The following IQSEC3 variants were observed in gnomAD, a reference collection of about 807,000 sequenced individuals.
IQSEC3 encodes the protein IQ motif and SEC7 domain-containing protein 3.
Under a neutral mutation model 105.4 loss-of-function variants are expected in IQSEC3, and 50 were observed. That is an observed-to-expected ratio of 0.47 (90% confidence interval 0.38 to 0.60). The LOEUF (loss-of-function observed/expected upper bound fraction) is 0.60. Ranked by LOEUF, IQSEC3 falls within the 20% of genes least tolerant of loss-of-function variation. IQSEC3 has a pLI of 0.00. For synonymous variants in IQSEC3, 708 were observed against 746.0 expected (o/e 0.95, Z 0.83); for missense variants, 1,415 against 1,630.0 (o/e 0.87, Z 2.27).
At chr12:165,363 G>T in intron 9 of IQSEC3, 71 bp from the exon 10 acceptor site, 2 of 1,131,840 alleles carry the variant, frequency 1.8e-6, no homozygotes, top group East Asian at 2.3e-5. Context: ...TGCATCCCCC[G>T]GGTGTTTGTG....
chr12:134,267 G>A (rs1014176507), intron 3 of IQSEC3, among the ~76,000 whole-genome samples: 8 of 152,242 alleles, frequency 5.3e-5, no homozygotes, highest in South Asian at 2.1e-4. Flanking sequence ...CAGTGGCCAC[G>A]GCAGGTGAAA....
Position 165,449 on chromosome 12 carries a change from C to T in IQSEC3, c.2725C>T (p.Pro909Ser), listed in dbSNP as rs1555097954. The T allele has an allele frequency of 6.2e-7, 1 of 1,613,950 alleles. No individual in the cohort carries two copies. Among genetic ancestry groups the T allele is most frequent in the African/African-American group, 1.3e-5 (1 of 74,906 alleles). The stretch of plus-strand genomic sequence containing the variant: ...TCCTGAACAGATTCTCAAACTTTGC[C>T]CGAAGAAGAAGAGCTCCTCCACGTA... The part of the protein sequence containing the change: ...NDLLVILKLC[P>S]KKKSSSTYTF... Residue 909 changes from proline (P) to serine (S), a missense_variant, in exon 10 of 14, where the codon CCG becomes TCG. Coordinates refer to ENST00000538872, the MANE Select transcript of IQSEC3 (RefSeq NM_001170738.2).
At chr12:150,721 C>A (rs1337830138) in intron 5 of IQSEC3, among the ~76,000 whole-genome samples, 1 of 152,116 alleles carries the variant, frequency 6.6e-6, no homozygotes, top group Non-Finnish European at 1.5e-5. Context: ...GGGTTGGATG[C>A]TTGAGTGGAG....
rs754954768 is a variant in IQSEC3, at chr12:174,733, A to G, written c.3249A>G (p.Pro1083=). 1 of 1,583,592 alleles carries G rather than the reference A, an allele frequency of 6.3e-7. No homozygotes were observed. Among genetic ancestry groups the G allele is most frequent in the Admixed American group, 1.7e-5 (1 of 58,858 alleles). The change falls in exon 14 of 14, where the codon CCA becomes CCG. Residue 1083 remains proline, a synonymous_variant. Coordinates refer to ENST00000538872, the MANE Select transcript of IQSEC3 (RefSeq NM_001170738.2). ...AGACCCCACCACTGCCGCCGCCGCC[A>G]CCCACGCCCCCGGGCACCCTGGTGC... ...RQQTPPLPPP[P]PTPPGTLVQC... is the part of the protein sequence containing the mutation.
At chr12:94,389 C>A (rs1239465335) in intron 1 of IQSEC3, among the ~76,000 whole-genome samples, 4 of 152,198 alleles carry the variant, frequency 2.6e-5, no homozygotes, top group African/African-American at 9.7e-5. Context: ...TGACCTTGGG[C>A]AGGGTGGGTG....
At chr12:95,724 T>C (rs891041609) in intron 1 of IQSEC3, among the ~76,000 whole-genome samples, 24 of 152,234 alleles carry the variant, frequency 1.6e-4, no homozygotes, top group Non-Finnish European at 3.2e-4. Context: ...TCACTCTTTA[T>C]ATATTTCTCT....
Position 138,715 on chromosome 12 carries a change from C to T in IQSEC3, c.1352C>T (p.Ala451Val). Residue 451 changes from alanine to valine, a missense_variant, in exon 4 of 14, where the codon GCC becomes GTC. Physicochemically the swap from Ala to Val is moderately conservative, Grantham distance 64. Around this residue, in one of 6 missense-constraint regions of IQSEC3, gnomAD observed 720 missense variants for 633.0 expected, o/e 1.14. Transcript: ENST00000538872. The surrounding 1 kb of genome is among the most constrained non-coding windows in gnomAD (Gnocchi z 7.1). ...GCCGCGGGGCCCCCAGGCCTGGAGG[C>T]CGAGGGGCGGGCGCCGGAGAGCGCG... ...QAAAGPPGLE[A>V]EGRAPESAGP... The T allele has an allele frequency of 6.6e-7, 1 of 1,505,286 alleles. No individual in the cohort carries two copies. Among genetic ancestry groups the T allele is most frequent in the Admixed American group, 2.2e-5 (1 of 44,960 alleles). 93.2% of individuals were successfully genotyped at this position (1,505,286 alleles called of 1,614,324 possible). A position where few individuals can be genotyped will look rare whatever the true frequency, so the allele number is the denominator to read the frequency against.
intron 5 of IQSEC3, among the ~76,000 whole-genome samples, chr12:155,315 C>T (rs564251621): frequency 6.6e-6 from 1 of 152,232 alleles, no homozygotes. Flanking sequence ...TCCACCCCAG[C>T]CCCACCCTCA....
rs573108578 is a variant in IQSEC3, at chr12:109,263, G to A, written c.623+10049G>A. On this transcript the variant is annotated intron_variant, in intron 2 of 13. Transcript: ENST00000538872. ...CAGGGCTGGCACTGTGAGAACAGTC[G>A]AGCAGCTGCAGAGGTGTGCCCTCTT... is the stretch of plus-strand genomic sequence containing the variant. 1.3e-4 allele frequency among the ~76,000 whole-genome samples: 20 copies of A among 152,282 alleles called. No individual in the cohort carries two copies. In the South Asian group the frequency reaches 3.5e-3, roughly 27 times the overall value.
intron 11 of IQSEC3, chr12:166,860 G>A (rs552319425): frequency 4.6e-5 from 7 of 151,912 alleles, no homozygotes; most frequent in Non-Finnish European, 7.4e-5. Context: ...TCACAGTGAC[G>A]CTGCAAGGTA....
chr12:82,003 T>C (rs79161252), intron 1 of IQSEC3, among the ~76,000 whole-genome samples: 205 of 152,158 alleles, frequency 1.3e-3, no homozygotes, highest in African/African-American at 4.7e-3. Context: ...TGGGAGTGGA[T>C]TTGGAGGCTT....
chr12:68,105 CCTGAT>C (rs1401907312), intron 1 of IQSEC3, among the ~76,000 whole-genome samples: 1 of 150,852 alleles, frequency 6.6e-6, no homozygotes, highest in Non-Finnish European at 1.5e-5. Flanking sequence ...TCTTCTCTGA[CCTGAT>C]TGGACACCCT....
intron 3 of IQSEC3, among the ~76,000 whole-genome samples, chr12:133,619 G>A (rs1279910225): frequency 6.6e-6 from 1 of 152,192 alleles, no homozygotes; most frequent in Non-Finnish European, 1.5e-5. Flanking sequence ...CTTTGCTCCT[G>A]GAGTGAGGCA....
intron 5 of IQSEC3, among the ~76,000 whole-genome samples, chr12:145,439 A>G (rs1555090706): frequency 6.6e-6 from 1 of 152,130 alleles, no homozygotes; most frequent in Non-Finnish European, 1.5e-5. Flanking sequence ...CTATTTCATT[A>G]TTATCTTTTC....
intron 13 of IQSEC3, chr12:171,591 C>T (rs1359989790): frequency 1.8e-6 from 1 of 566,726 alleles, no homozygotes; most frequent in African/African-American, 1.9e-5. Flanking sequence ...AGCCTGGGCT[C>T]CCTCGGAGAA....
intron 1 of IQSEC3, among the ~76,000 whole-genome samples, chr12:95,198 C>T (rs1555074452): frequency 6.6e-6 from 1 of 152,204 alleles, no homozygotes; most frequent in African/African-American, 2.4e-5. Flanking sequence ...GCCGGGGAAC[C>T]ACTGTAGGTA....
At chr12:80,214 A>C (rs1555070403) in intron 1 of IQSEC3, among the ~76,000 whole-genome samples, 1 of 152,230 alleles carries the variant, frequency 6.6e-6, no homozygotes, top group East Asian at 1.9e-4. Flanking sequence ...GACATGGGTC[A>C]GTTGCAGCAG....
chr12:80,163 A>C (rs1433834263), intron 1 of IQSEC3, among the ~76,000 whole-genome samples: 1 of 152,196 alleles, frequency 6.6e-6, no homozygotes. Context: ...GCTGCATTTG[A>C]ACTTGCCTCT....
intron 11 of IQSEC3, among the ~76,000 whole-genome samples, chr12:168,760 C>A (rs143656613): frequency 6.6e-6 from 1 of 152,132 alleles, no homozygotes; most frequent in Non-Finnish European, 1.5e-5. Context: ...TCCCTCACAT[C>A]GGCCTCTTCT....
Sources: allele counts gnomAD v4.1 joint callset (sites outside exome capture counted in the v4.1 genomes callset), GRCh38; gene constraint gnomAD v4.1.1; regional missense constraint gnomAD v4.1.1; non-coding constraint Gnocchi (gnomAD v3.1); transcripts MANE v1.5; gene names NCBI Gene and HGNC (gene_info 2026-07-23, HGNC 2026-07-21).